The following MCHR1 variants were observed in gnomAD, a reference collection of about 807,000 sequenced individuals.
The protein encoded by MCHR1 is melanin concentrating hormone receptor 1, also known as melanin-concentrating hormone receptor 1.
MCHR1 carries 13 observed loss-of-function variants against 20.4 expected under a neutral mutation model. The ratio of observed to expected loss-of-function variants is 0.64; its 90% CI spans 0.41 to 1.01. The LOEUF is 1.01. Ranked by LOEUF, MCHR1 falls within the 50% of genes least tolerant of loss-of-function variation. MCHR1 has a pLI of 0.00. For synonymous variants in MCHR1, 215 were observed against 204.4 expected, an observed-to-expected ratio of 1.05 and a Z score of -0.44; for missense variants, 472 against 477.0, an observed-to-expected ratio of 0.99 and a Z score of 0.10.
rs746412602 is a variant in MCHR1, at chr22:40,681,482, T to C, written c.616T>C (p.Tyr206His). 1.2e-6 allele frequency: 2 copies of C among 1,612,830 alleles called. No homozygotes were observed. Among genetic ancestry groups the C allele is most frequent in the South Asian group, 2.2e-5 (2 of 91,090 alleles). The change falls in exon 2 of 2, where the codon TAC (tyrosine) becomes CAC (histidine). Residue 206 changes from tyrosine to histidine, a missense_variant. By Grantham distance (83) the Tyr-to-His change is moderately conservative. Transcript: ENST00000249016. This position sits in a 1 kb window ranked among gnomAD's most constrained non-coding sequence, Gnocchi z 4.3. ...IRLPNPDTDL[Y>H]WFTLYQFFLA... ...CCTGCCCAACCCAGACACTGACCTC[T>C]ACTGGTTCACCCTGTACCAGTTTTT... is the stretch of plus-strand genomic sequence containing the variant.
At position 40,679,566 on chromosome 22, in the gene MCHR1, G is replaced by A. The variant is rs1221972727; in HGVS notation, c.-87G>A. ...CTGCGGGGCTTGCGCTCCGGGACAA[G>A]GTGGCAGGCGCTGGAGGCTGCCGCA... On this transcript the variant is annotated 5_prime_UTR_variant, in exon 1 of 2. Coordinates refer to ENST00000249016, the MANE Select transcript of MCHR1 (RefSeq NM_005297.4). The A allele has an allele frequency of 6.2e-7, 1 of 1,613,826 alleles. No homozygotes were observed. Among genetic ancestry groups the A allele is most frequent in the Non-Finnish European group, 8.5e-7 (1 of 1,179,846 alleles).
Position 40,682,278 on chromosome 22 carries a change from G to C in MCHR1, c.*350G>C, listed in dbSNP as rs2056885608. 1 of 344,786 alleles carries C rather than the reference G, an allele frequency of 2.9e-6. No individual in the cohort carries two copies. Among genetic ancestry groups the C allele is most frequent in the Admixed American group, 3.8e-5 (1 of 26,042 alleles). 21.4% of individuals were successfully genotyped at this position (344,786 alleles called of 1,614,324 possible). ...GCAAGAGGTGGAAGGGTACTGACTG[G>C]GTTTGTTTAAAGTCAGGCAGGGCTG... is the stretch of plus-strand genomic sequence containing the variant. On this transcript the variant is annotated 3_prime_UTR_variant, in exon 2 of 2. Transcript: ENST00000249016.
At position 40,682,334 on chromosome 22, in the gene MCHR1, G is replaced by A; in HGVS notation, c.*406G>A. The A allele has an allele frequency of 4.4e-6, 1 of 226,358 alleles. No homozygotes were observed. The highest frequency in any genetic ancestry group is 9.0e-6 in the Non-Finnish European group (1 of 111,312). The allele number at this position is 226,358 out of a possible 1,614,324, so 14.0% of individuals were successfully genotyped here. A position where few individuals can be genotyped will look rare whatever the true frequency, so the allele number is the denominator to read the frequency against. ...AGCAGCCAGGGCCATGTTGCACAAG[G>A]CCTGAGAGACGGGAAAGGGCCCGAT... On this transcript the variant is annotated 3_prime_UTR_variant, in exon 2 of 2. Transcript: ENST00000249016.
Position 40,681,044 on chromosome 22 carries a change from A to G in MCHR1, c.178A>G (p.Thr60Ala). The change falls in exon 2 of 2, where the codon ACG becomes GCG. Residue 60 changes from threonine (T) to alanine (A), a missense_variant. Thr to Ala is a moderately conservative substitution (Grantham distance 58). Transcript: ENST00000249016. This position sits in a 1 kb window ranked among gnomAD's most constrained non-coding sequence, Gnocchi z 4.3. ...CCTCCTGGGCATCATCGGGAACTCC[A>G]CGGTCATCTTCGCGGTCGTGAAGAA... ...ICLLGIIGNS[T>A]VIFAVVKKSK... is the part of the protein sequence containing the mutation. The G allele has an allele frequency of 6.2e-7, 1 of 1,614,106 alleles. No homozygotes were observed. The highest frequency in any genetic ancestry group is 8.5e-7 in the Non-Finnish European group (1 of 1,180,024).
At position 40,682,044 on chromosome 22, in the gene MCHR1, G is replaced by C. The variant is rs2056884689; in HGVS notation, c.*116G>C. ...AAATGCAGGAAGGCCGGGTTGTGAG[G>C]GGTTGTTGCAATGAAATAAATACAT... On this transcript the variant is annotated 3_prime_UTR_variant, in exon 2 of 2. Transcript: ENST00000249016. 3.7e-6 allele frequency: 5 copies of C among 1,353,348 alleles called. No homozygotes were observed. The allele number at this position is 1,353,348 out of a possible 1,614,324, so 83.8% of individuals were successfully genotyped here. A position where few individuals can be genotyped will look rare whatever the true frequency, so the allele number is the denominator to read the frequency against.
At position 40,682,662 on chromosome 22, in the gene MCHR1, G is replaced by A. The variant is rs147453523; in HGVS notation, c.*734G>A. On this transcript the variant is annotated 3_prime_UTR_variant, in exon 2 of 2. Transcript: ENST00000249016. ...GCAGCTCTGGTGACATTCTCTCCAC[G>A]GGGCACATTTGCTCAGTCACTAATC... The A allele has an allele frequency of 9.1e-5, 14 of 154,362 alleles. No homozygotes were observed. The East Asian group carries it at 2.1e-3, about 23-fold the overall frequency. 9.6% of individuals were successfully genotyped at this position (154,362 alleles called of 1,614,324 possible).
At chr22:40,680,152 T>A (rs1699742440) in intron 1 of MCHR1, 2 of 282,986 alleles carry the variant, frequency 7.1e-6, no homozygotes, top group Non-Finnish European at 1.4e-5. Flanking sequence ...ACATCCTTAC[T>A]GCCACCTGGG....
chr22:40,681,811 T>G lies in MCHR1; in HGVS notation c.945T>G (p.Cys315Trp). The change falls in exon 2 of 2, where the codon TGT becomes TGG. Residue 315 changes from cysteine to tryptophan, a missense_variant. Coordinates refer to ENST00000249016, the MANE Select transcript of MCHR1 (RefSeq NM_005297.4). The surrounding 1 kb of genome is among the most constrained non-coding windows in gnomAD (Gnocchi z 4.3). ...CLNPFVYIVLCETFRKRLVLS... is the reference protein window; with the variant it reads ...CLNPFVYIVLWETFRKRLVLS... ...ACCCCTTTGTGTACATCGTGCTCTG[T>G]GAGACGTTCCGCAAACGCTTGGTCC... 6.2e-7 allele frequency: 1 copy of G among 1,614,194 alleles called. No individual in the cohort carries two copies. Among genetic ancestry groups the G allele is most frequent in the Non-Finnish European group, 8.5e-7 (1 of 1,180,026 alleles).
intron 1 of MCHR1, among the ~76,000 whole-genome samples, chr22:40,680,593 T>G (rs5758036): frequency 2.0e-5 from 1 of 51,068 alleles, no homozygotes; most frequent in African/African-American, 4.0e-5. Context: ...CACACACACA[T>G]ACACAGACAC....
At chr22:40,680,570 A>ACG (rs1031455990) in intron 1 of MCHR1, among the ~76,000 whole-genome samples, 16 of 109,652 alleles carry the variant, frequency 1.5e-4, no homozygotes, top group African/African-American at 4.5e-4. Flanking sequence ...TAGGAAAAGC[A>ACG]CGCACACACA....
intron 1 of MCHR1, 165 bp from the exon 2 acceptor site, chr22:40,680,784 G>C (rs2056875059): frequency 1.6e-5 from 16 of 984,962 alleles, no homozygotes; most frequent in African/African-American, 1.7e-5. Context: ...GAAACTCATG[G>C]AGAAGGGAAA....
chr22:40,681,388 C>G lies in MCHR1; in HGVS notation c.522C>G (p.Ser174Arg). Residue 174 changes from serine (S) to arginine (R), a missense_variant, in exon 2 of 2, where the codon AGC becomes AGG. Coordinates refer to ENST00000249016, the MANE Select transcript of MCHR1 (RefSeq NM_005297.4). The surrounding 1 kb of genome is among the most constrained non-coding windows in gnomAD (Gnocchi z 4.3). ...ICLLWALSFI[S>R]ITPVWLYARL... ...TCCTGTGGGCCCTCTCCTTCATCAG[C>G]ATCACCCCTGTGTGGCTGTATGCCA... 6.2e-7 allele frequency: 1 copy of G among 1,614,238 alleles called. No homozygotes were observed. The highest frequency in any genetic ancestry group is 8.5e-7 in the Non-Finnish European group (1 of 1,180,048).
In MCHR1 at chr22:40,681,255, G is replaced by A; in HGVS notation, c.389G>A (p.Ser130Asn). 1 of 1,614,126 alleles carries A rather than the reference G, an allele frequency of 6.2e-7. No homozygotes were observed. Among genetic ancestry groups the A allele is most frequent in the Non-Finnish European group, 8.5e-7 (1 of 1,180,048 alleles). Residue 130 changes from serine to asparagine, a missense_variant, in exon 2 of 2, where the codon AGC becomes AAC. Transcript: ENST00000249016. This position sits in a 1 kb window ranked among gnomAD's most constrained non-coding sequence, Gnocchi z 4.3. ...TAMDANSQFT[S>N]TYILTAMAID... ...ATGGATGCCAATAGTCAGTTCACCA[G>A]CACCTACATCCTGACCGCCATGGCC...
Position 40,681,513 on chromosome 22 carries a change from C to T in MCHR1, c.647C>T (p.Ala216Val). 6.2e-7 allele frequency: 1 copy of T among 1,612,400 alleles called. No homozygotes were observed. Among genetic ancestry groups the T allele is most frequent in the Non-Finnish European group, 8.5e-7 (1 of 1,180,048 alleles). ...YWFTLYQFFL[A>V]FALPFVVITA... The stretch of plus-strand genomic sequence containing the variant: ...TTCACCCTGTACCAGTTTTTCCTGG[C>T]CTTTGCCCTGCCTTTTGTGGTCATC... Residue 216 changes from alanine (A) to valine (V), a missense_variant, in exon 2 of 2, where the codon GCC (alanine) becomes GTC (valine). Coordinates refer to ENST00000249016, the MANE Select transcript of MCHR1 (RefSeq NM_005297.4). This position sits in a 1 kb window ranked among gnomAD's most constrained non-coding sequence, Gnocchi z 4.3.
Position 40,681,196 on chromosome 22 carries a change from C to T in MCHR1, c.330C>T (p.His110=). 1 of 1,614,130 alleles carries T rather than the reference C, an allele frequency of 6.2e-7. No homozygotes were observed. Among genetic ancestry groups the T allele is most frequent in the Non-Finnish European group, 8.5e-7 (1 of 1,180,014 alleles). ...IHQLMGNGVW[H]FGETMCTLIT... is the part of the protein sequence containing the mutation. ...AGCTCATGGGCAATGGGGTGTGGCA[C>T]TTTGGGGAGACCATGTGCACCCTCA... The change falls in exon 2 of 2, where the codon CAC becomes CAT. Residue 110 remains histidine (H), a synonymous_variant. Coordinates refer to ENST00000249016, the MANE Select transcript of MCHR1 (RefSeq NM_005297.4). This position sits in a 1 kb window ranked among gnomAD's most constrained non-coding sequence, Gnocchi z 4.3.
In MCHR1 at chr22:40,681,550, C is replaced by T. The variant is rs371275583; in HGVS notation, c.684C>T (p.Tyr228=). 1.9e-5 allele frequency: 30 copies of T among 1,613,238 alleles called. No individual in the cohort carries two copies. Among genetic ancestry groups the T allele is most frequent in the Middle Eastern group, 1.6e-4 (1 of 6,062 alleles). The change falls in exon 2 of 2, where the codon TAC becomes TAT. Residue 228 remains tyrosine, a synonymous_variant. Transcript: ENST00000249016. This position sits in a 1 kb window ranked among gnomAD's most constrained non-coding sequence, Gnocchi z 4.3. ...ALPFVVITAA[Y]VRILQRMTSS... is the part of the protein sequence containing the mutation. ...CTTTTGTGGTCATCACAGCCGCATACGTGAGGATCCTGCAGCGCATGACGT... is the reference window on the plus strand; with the variant it reads ...CTTTTGTGGTCATCACAGCCGCATATGTGAGGATCCTGCAGCGCATGACGT...
Position 40,681,366 on chromosome 22 carries a change from T to C in MCHR1, c.500T>C (p.Leu167Pro). The C allele has an allele frequency of 6.2e-7, 1 of 1,614,216 alleles. No homozygotes were observed. Among genetic ancestry groups the C allele is most frequent in the Non-Finnish European group, 8.5e-7 (1 of 1,180,044 alleles). Residue 167 changes from leucine (L) to proline (P), a missense_variant, in exon 2 of 2, where the codon CTG becomes CCG. Coordinates refer to ENST00000249016, the MANE Select transcript of MCHR1 (RefSeq NM_005297.4). The surrounding 1 kb of genome is among the most constrained non-coding windows in gnomAD (Gnocchi z 4.3). Reference protein sequence around the residue: ...PSVATLVICLLWALSFISITP... With the variant: ...PSVATLVICLPWALSFISITP... Reference sequence around the variant, plus strand: ...GTGGCCACCCTGGTGATCTGCCTCCTGTGGGCCCTCTCCTTCATCAGCATC... The same window carrying C: ...GTGGCCACCCTGGTGATCTGCCTCCCGTGGGCCCTCTCCTTCATCAGCATC...
rs768333904 is a variant in MCHR1, at chr22:40,680,931, T to C, written c.83-18T>C. ...AAGCCCATGTCAAACAGCCAACGCT[T>C]GCTCCTTCTGTCCCCAGGATCACCT... On this transcript the variant is annotated intron_variant, in intron 1 of 1. Transcript: ENST00000249016. 6.2e-7 allele frequency: 1 copy of C among 1,613,440 alleles called. No individual in the cohort carries two copies. The highest frequency in any genetic ancestry group is 8.5e-7 in the Non-Finnish European group (1 of 1,180,006).
intron 1 of MCHR1, 101 bp downstream of exon 1, chr22:40,679,835 G>A: frequency 1.5e-6 from 2 of 1,343,240 alleles, no homozygotes; most frequent in Non-Finnish European, 2.1e-6. Context: ...CACAGTTCTT[G>A]GGGACAAGAT....
Sources: allele counts gnomAD v4.1 joint callset (sites outside exome capture counted in the v4.1 genomes callset), GRCh38; gene constraint gnomAD v4.1.1; non-coding constraint Gnocchi (gnomAD v3.1); transcripts MANE v1.5; gene names NCBI Gene and HGNC (gene_info 2026-07-23, HGNC 2026-07-21).